The following PSME4 variants were observed in gnomAD, a reference collection of about 807,000 sequenced individuals.
The protein encoded by PSME4 is proteasome activator complex subunit 4.
PSME4 carries 89 observed loss-of-function variants against 253.9 expected under a neutral mutation model. That is an observed-to-expected ratio of 0.35 (90% CI 0.30 to 0.42). The LOEUF (loss-of-function observed/expected upper bound fraction) is 0.42, where lower values mean the gene tolerates loss of function less well. PSME4 is among the 10% of genes least tolerant of loss of function. The pLI, the probability that PSME4 is intolerant of heterozygous loss-of-function variation, is 1.00. For synonymous variants in PSME4, 851 were observed against 759.2 expected, an observed-to-expected ratio of 1.12 and a Z score of -1.99; for missense variants, 2,014 against 2,195.2, an observed-to-expected ratio of 0.92 and a Z score of 1.65.
chr2:53,919,348 A>C, intron 19 of PSME4, 102 bp from the exon 20 acceptor site: 1 of 1,373,656 alleles, frequency 7.3e-7, no homozygotes, highest in South Asian at 1.7e-5. Context: ...ATAAATGATT[A>C]AGGTAAAGAA....
At chr2:53,913,380 AAATAACT>A (rs1454491654) in intron 20 of PSME4, among the ~76,000 whole-genome samples, 1 of 152,210 alleles carries the variant, frequency 6.6e-6, no homozygotes, top group Non-Finnish European at 1.5e-5. Context: ...GCTGAAAAAG[AAATAACT>A]AATAACACAA....
chr2:53,895,464 T>C, intron 33 of PSME4, 119 bp downstream of exon 33: 1 of 1,002,056 alleles, frequency 1.0e-6, no homozygotes, highest in Non-Finnish European at 1.5e-6. Flanking sequence ...AAGAGAGGAC[T>C]AGGGAAGGGG....
In PSME4 at chr2:53,875,858, T is replaced by C; in HGVS notation, c.4816-103A>G. The C allele has an allele frequency of 3.5e-6, 4 of 1,153,996 alleles. No homozygotes were observed. The South Asian group carries it at 7.0e-5, about 20-fold the overall frequency. 71.5% of individuals were successfully genotyped at this position (1,153,996 alleles called of 1,614,324 possible). A position where few individuals can be genotyped will look rare whatever the true frequency, so the allele number is the denominator to read the frequency against. ...CACATCTTTAATTTAACAATTTTTA[T>C]GGAAAATTTCAAACACATAAACTAG... is the stretch of plus-strand genomic sequence containing the variant. On this transcript the variant is annotated intron_variant, in intron 41 of 46. Transcript: ENST00000404125.
intron 12 of PSME4, among the ~76,000 whole-genome samples, chr2:53,926,573 C>T (rs1409120851): frequency 2.0e-5 from 3 of 152,074 alleles, no homozygotes; most frequent in Admixed American, 6.5e-5. Flanking sequence ...CCCAGCTACC[C>T]GGGAGGCTAA....
intron 18 of PSME4, 140 bp downstream of exon 18, chr2:53,920,749 G>A (rs1380973281): frequency 1.3e-6 from 1 of 765,842 alleles, no homozygotes; most frequent in Non-Finnish European, 2.1e-6. Context: ...GACAGCACAA[G>A]TTTCACATAT....
At chr2:53,877,230 G>A (rs1679176039) in intron 41 of PSME4, among the ~76,000 whole-genome samples, 1 of 133,534 alleles carries the variant, frequency 7.5e-6, no homozygotes, top group Non-Finnish European at 1.5e-5. Flanking sequence ...GGATAACAGA[G>A]CAAGATCCTG....
intron 1 of PSME4, among the ~76,000 whole-genome samples, chr2:53,953,765 T>G (rs1395473041): frequency 6.6e-6 from 1 of 152,130 alleles, no homozygotes; most frequent in Non-Finnish European, 1.5e-5. Context: ...CTCTTTCCAG[T>G]TAATTTTCAC....
intron 6 of PSME4, 54 bp downstream of exon 6, chr2:53,936,710 G>GAA: frequency 8.0e-7 from 1 of 1,249,346 alleles, no homozygotes. Flanking sequence ...GTATGGGGGG[G>GAA]AAAAAAGAAA....
Position 53,932,774 on chromosome 2 carries a change from A to G in PSME4, c.958-14T>C. 1.2e-6 allele frequency: 2 copies of G among 1,602,878 alleles called. No individual in the cohort carries two copies. Among genetic ancestry groups the G allele is most frequent in the Non-Finnish European group, 8.5e-7 (1 of 1,169,820 alleles). On this transcript the variant is annotated splice_polypyrimidine_tract_variant and intron_variant, in intron 8 of 46. Transcript: ENST00000404125. ...ACTTGGTCCACCCTGTCCAGATAAAAGAGTAAAAATGTCAGTACCCACATC... is the reference window on the plus strand; with the variant it reads ...ACTTGGTCCACCCTGTCCAGATAAAGGAGTAAAAATGTCAGTACCCACATC...
rs371040328 is a variant in PSME4, at chr2:53,904,052, T to C, written c.3048A>G (p.Arg1016=). ...TGAATTGTTGCTGTGTAACACCTTG[T>C]CTATCAGGCCTTAAGAACTCCAAAA... ...PLVLEFLRPD[R]QGVTQQQFKG... is the part of the protein sequence containing the mutation. Residue 1016 remains arginine (R), a synonymous_variant, in exon 27 of 47, where the codon AGA becomes AGG. Coordinates refer to ENST00000404125, the MANE Select transcript of PSME4 (RefSeq NM_014614.3). The C allele has an allele frequency of 3.7e-6, 6 of 1,613,536 alleles. No individual in the cohort carries two copies. Among genetic ancestry groups the C allele is most frequent in the Non-Finnish European group, 5.1e-6 (6 of 1,179,752 alleles).
chr2:53,939,878 TC>T, intron 4 of PSME4, 77 bp downstream of exon 4: 1 of 1,291,546 alleles, frequency 7.7e-7, no homozygotes, highest in Non-Finnish European at 1.1e-6. Context: ...ACTTTTCATT[TC>T]CTTTTCAAAC....
chr2:53,866,996 T>A, intron 44 of PSME4, 116 bp from the exon 45 acceptor site: 1 of 994,686 alleles, frequency 1.0e-6, no homozygotes, highest in Non-Finnish European at 1.5e-6. Context: ...TTTCTGCATT[T>A]AAAATGAATC....
At chr2:53,934,875 C>T (rs549511652) in intron 7 of PSME4, 148 bp from the exon 8 acceptor site, 599 of 637,150 alleles carry the variant, frequency 9.4e-4, no homozygotes, top group Non-Finnish European at 1.3e-3. Context: ...TAGTAACTTG[C>T]TTTATTCTTC....
rs1423182206 is a variant in PSME4, at chr2:53,865,314, C to A, written c.*264G>T. The A allele has an allele frequency of 3.3e-5, 5 of 152,296 alleles. No individual in the cohort carries two copies. The East Asian group carries it at 7.7e-4, about 23-fold the overall frequency. 9.4% of individuals were successfully genotyped at this position (152,296 alleles called of 1,614,324 possible). A position where few individuals can be genotyped will look rare whatever the true frequency, so the allele number is the denominator to read the frequency against. On this transcript the variant is annotated 3_prime_UTR_variant, in exon 47 of 47. Coordinates refer to ENST00000404125, the MANE Select transcript of PSME4 (RefSeq NM_014614.3). ...CCATGATCATACTGGGTAATTATTT[C>A]TAGTCTGAGACTTTGTGACTTTGTC... is the stretch of plus-strand genomic sequence containing the variant.
chr2:53,900,757 T>A (rs1170322577), intron 28 of PSME4, among the ~76,000 whole-genome samples: 2 of 152,292 alleles, frequency 1.3e-5, no homozygotes, highest in Admixed American at 1.3e-4. Context: ...TTTAGAACAG[T>A]GGTTTTTAAA....
At chr2:53,868,979 C>T (rs1287368072) in intron 44 of PSME4, among the ~76,000 whole-genome samples, 3 of 152,012 alleles carry the variant, frequency 2.0e-5, no homozygotes, top group Non-Finnish European at 4.4e-5. Context: ...CCGAATAATC[C>T]CCTCTCCAAA....
intron 17 of PSME4, among the ~76,000 whole-genome samples, chr2:53,921,900 C>G (rs548133813): frequency 6.8e-6 from 1 of 147,238 alleles, no homozygotes; most frequent in Admixed American, 6.9e-5. Flanking sequence ...GGGCCAGGCG[C>G]GGTGGCTCAC....
intron 4 of PSME4, among the ~76,000 whole-genome samples, chr2:53,939,288 T>A (rs1669270426): frequency 6.6e-6 from 1 of 152,214 alleles, no homozygotes; most frequent in Non-Finnish European, 1.5e-5. Context: ...ACTGATTCCA[T>A]ATCATCTAAA....
chr2:53,891,858 CAAAA>C (rs76144333), intron 36 of PSME4, among the ~76,000 whole-genome samples: 4 of 116,870 alleles, frequency 3.4e-5, no homozygotes, highest in Admixed American at 8.8e-5. Context: ...TAAGACTGTC[CAAAA>C]AAAAAAAAAA....
Sources: allele counts gnomAD v4.1 joint callset (sites outside exome capture counted in the v4.1 genomes callset), GRCh38; gene constraint gnomAD v4.1.1; transcripts MANE v1.5; gene names NCBI Gene and HGNC (gene_info 2026-07-23, HGNC 2026-07-21).